Variants in VAV3 observed in about 807,000 individuals in gnomAD.
VAV3 encodes vav guanine nucleotide exchange factor 3, also known as guanine nucleotide exchange factor VAV3.
Under a neutral mutation model 131.2 loss-of-function variants are expected in VAV3, and 94 were observed. The observed-to-expected ratio is 0.72, with a 90% confidence interval of 0.61 to 0.85. The LOEUF is 0.85. Among genes scored for constraint, VAV3 ranks in the 40% least tolerant of loss-of-function variants. The probability of loss-of-function intolerance (pLI) is 0.00; values close to 1 mark genes in which losing one functional copy is unlikely to be tolerated. For synonymous variants in VAV3, 349 were observed against 342.0 expected (o/e 1.02, Z -0.22); for missense variants, 939 against 1,002.7 (o/e 0.94, Z 0.86).
chr1:107,737,302 C>G (rs939868068), intron 15 of VAV3, among the ~76,000 whole-genome samples: 1 of 152,166 alleles, frequency 6.6e-6, no homozygotes, highest in Non-Finnish European at 1.5e-5. Context: ...TGGGCAAGGA[C>G]TTCATGTCTA....
chr1:107,672,806 G>C (rs571556156), intron 19 of VAV3, among the ~76,000 whole-genome samples: 23 of 151,956 alleles, frequency 1.5e-4, no homozygotes, highest in African/African-American at 5.1e-4. Context: ...TCATATTATG[G>C]TATCAACTAC....
chr1:107,577,763 G>A (rs1386167689), intron 25 of VAV3, among the ~76,000 whole-genome samples: 1 of 152,204 alleles, frequency 6.6e-6, no homozygotes, highest in Non-Finnish European at 1.5e-5. Flanking sequence ...TCCTGGAACA[G>A]AGATGACCAG....
chr1:107,711,489 C>G (rs746215526), intron 15 of VAV3, among the ~76,000 whole-genome samples: 22 of 152,238 alleles, frequency 1.4e-4, no homozygotes, highest in South Asian at 8.3e-4. Context: ...TCACTTAGTA[C>G]CACAGGGAAC....
At chr1:107,793,038 T>C (rs1366145456) in intron 2 of VAV3, among the ~76,000 whole-genome samples, 2 of 152,178 alleles carry the variant, frequency 1.3e-5, no homozygotes, top group Non-Finnish European at 2.9e-5. Context: ...TAAATAAGTG[T>C]CATTATATGT....
intron 2 of VAV3, among the ~76,000 whole-genome samples, chr1:107,828,512 T>TA (rs1668109986): frequency 1.3e-5 from 2 of 152,262 alleles, no homozygotes; most frequent in South Asian, 4.2e-4. Flanking sequence ...ATTTTTGACT[T>TA]ACAAAAATCA....
At chr1:107,912,623 C>T (rs1183027076) in intron 1 of VAV3, among the ~76,000 whole-genome samples, 1 of 152,190 alleles carries the variant, frequency 6.6e-6, no homozygotes, top group Non-Finnish European at 1.5e-5. Context: ...TCTCTGATCT[C>T]TCACTTCACA....
chr1:107,607,613 T>C (rs1397197367), intron 22 of VAV3, among the ~76,000 whole-genome samples: 3 of 152,164 alleles, frequency 2.0e-5, no homozygotes, highest in Admixed American at 6.6e-5. Context: ...GGGCAATTTG[T>C]CCGGACTACC....
intron 2 of VAV3, among the ~76,000 whole-genome samples, chr1:107,874,048 T>C (rs574344966): frequency 1.3e-5 from 2 of 152,346 alleles, no homozygotes; most frequent in Admixed American, 1.3e-4. Flanking sequence ...GATAAGATAC[T>C]AGCACCTGAA....
chr1:107,893,429 C>T (rs572849071), intron 1 of VAV3, among the ~76,000 whole-genome samples: 3 of 152,196 alleles, frequency 2.0e-5, no homozygotes, highest in East Asian at 1.9e-4. Flanking sequence ...CATTTTCATG[C>T]TGCTGATAAA....
rs1422674128 is a variant in VAV3 at position 107,901,893 on chromosome 1, A to G, written c.205-26876T>C. 2.0e-5 allele frequency among the ~76,000 whole-genome samples: 3 copies of G among 152,090 alleles called. No individual in the cohort carries two copies. In the South Asian group the frequency reaches 6.2e-4, roughly 32 times the overall value. On this transcript the variant is annotated intron_variant, in intron 1 of 26. Transcript: ENST00000370056. ...CCCCGTCTCTACTAAAAATACAAAA[A>G]TTAGCCACGCATGGTGGCATGCACC... is the stretch of plus-strand genomic sequence containing the variant.
At chr1:107,749,435 T>C (rs748328663) in intron 14 of VAV3, 27 bp downstream of exon 14, 56 of 1,576,884 alleles carry the variant, frequency 3.6e-5, no homozygotes, top group South Asian at 5.9e-5. Flanking sequence ...ATAAGTAAAT[T>C]ACAGTTATTA....
intron 20 of VAV3, among the ~76,000 whole-genome samples, chr1:107,631,160 T>C (rs1654444300): frequency 6.6e-6 from 1 of 152,122 alleles, no homozygotes; most frequent in African/African-American, 2.4e-5. Context: ...CCTATTTTTT[T>C]TTGAGACATA....
chr1:107,624,333 G>T lies in VAV3; in HGVS notation c.1915-6701C>A, dbSNP rs189765713. Among the ~76,000 whole-genome samples the T allele has an allele frequency of 2.6e-5, 4 of 151,850 alleles. No individual in the cohort carries two copies. The East Asian group carries it at 7.7e-4, about 29-fold the overall frequency. ...TGTTTTTTCTCCAAAGTCTCACTGG[G>T]TGGGATGTACATGATACAATCCTAA... is the stretch of plus-strand genomic sequence containing the variant. On this transcript the variant is annotated intron_variant, in intron 20 of 26. Transcript: ENST00000370056.
intron 10 of VAV3, among the ~76,000 whole-genome samples, chr1:107,758,788 CTTCT>C: frequency 6.6e-6 from 1 of 152,222 alleles, no homozygotes; most frequent in African/African-American, 2.4e-5. Flanking sequence ...ATTCTGCAAA[CTTCT>C]CTCAATTTCT....
chr1:107,872,858 T>C (rs1670314565), intron 2 of VAV3, among the ~76,000 whole-genome samples: 1 of 152,194 alleles, frequency 6.6e-6, no homozygotes, highest in Non-Finnish European at 1.5e-5. Context: ...AAATTATACA[T>C]GAAGACTGAA....
chr1:107,847,722 A>G (rs1239859414), intron 2 of VAV3, among the ~76,000 whole-genome samples: 1 of 152,232 alleles, frequency 6.6e-6, no homozygotes, highest in Non-Finnish European at 1.5e-5. Context: ...TAAACCAGGA[A>G]TAATTCAAAT....
At chr1:107,722,517 CAAAA>C (rs984775479) in intron 15 of VAV3, among the ~76,000 whole-genome samples, 1 of 152,164 alleles carries the variant, frequency 6.6e-6, no homozygotes, top group Non-Finnish European at 1.5e-5. Context: ...CAACCACCCT[CAAAA>C]AATATTTTCA....
chr1:107,788,319 C>T (rs921618720), intron 2 of VAV3, among the ~76,000 whole-genome samples: 1 of 151,896 alleles, frequency 6.6e-6, no homozygotes, highest in Admixed American at 6.6e-5. Context: ...CAGAGAAGTC[C>T]CCAGGAGCTG....
intron 21 of VAV3, among the ~76,000 whole-genome samples, chr1:107,615,852 C>T (rs1027340113): frequency 6.6e-6 from 1 of 152,080 alleles, no homozygotes; most frequent in African/African-American, 2.4e-5. Flanking sequence ...TGAAAAAATG[C>T]TCAATTTTAC....
Sources: gnomAD v4.1 joint callset for allele counts (sites outside exome capture counted in the v4.1 genomes callset) on GRCh38, gnomAD v4.1.1 for gene constraint, MANE v1.5 for transcripts, NCBI Gene and HGNC (gene_info 2026-07-23, HGNC 2026-07-21) for gene names.